NFASC: variants seen among roughly 807,000 people sequenced by gnomAD.
NFASC encodes the protein neurofascin.
In NFASC, 43 loss-of-function variants were observed where a neutral mutation model predicts 147.5. That is an observed-to-expected ratio of 0.29 (90% CI 0.23 to 0.38). The LOEUF (loss-of-function observed/expected upper bound fraction) is 0.38. NFASC is among the 10% of genes least tolerant of loss of function. The pLI is 1.00. For synonymous variants in NFASC, 622 were observed against 665.5 expected, an observed-to-expected ratio of 0.93 and a Z score of 1.01; for missense variants, 1,320 against 1,689.0, an observed-to-expected ratio of 0.78 and a Z score of 3.83.
chr1:204,957,360 G>A (rs2094477422), intron 7 of NFASC, among the ~76,000 whole-genome samples: 1 of 152,172 alleles, frequency 6.6e-6, no homozygotes, highest in East Asian at 1.9e-4. Context: ...CTTTTGTGGC[G>A]TGAACAGGAA....
In NFASC at chr1:204,975,213, G is replaced by T. The variant is rs1019183255; in HGVS notation, c.1559-58G>T. On this transcript the variant is annotated intron_variant, in intron 14 of 29. Coordinates refer to ENST00000339876, the MANE Select transcript of NFASC (RefSeq NM_001005388.3). This position sits in a 1 kb window ranked among gnomAD's most constrained non-coding sequence, Gnocchi z 4.0. ...GGCAGACATATGCCACTTTGTGGCC[G>T]CATGGGGATGCTGGGCAGAGAACAG... The T allele has an allele frequency of 3.9e-6, 6 of 1,547,524 alleles. No individual in the cohort carries two copies. The Admixed American group carries it at 5.8e-5, about 15-fold the overall frequency.
rs780200931 is a variant in NFASC at position 204,954,304 on chromosome 1, A to G, written c.332A>G (p.Glu111Gly). The G allele has an allele frequency of 3.7e-6, 6 of 1,613,900 alleles. No homozygotes were observed. Among genetic ancestry groups the G allele is most frequent in the Non-Finnish European group, 4.2e-6 (5 of 1,180,018 alleles). The part of the protein sequence containing the change: ...IDFRSGGRPE[E>G]YEGEYQCFAR... ...TTCCGCAGTGGCGGGCGGCCGGAGG[A>G]ATATGAGGGGGAATATCAGTGCTTC... The change falls in exon 6 of 30, where the codon GAA becomes GGA. Residue 111 changes from glutamate (E) to glycine (G), a missense_variant. Glu to Gly is a moderately conservative substitution (Grantham distance 98). This residue lies in a region of NFASC where 981 missense variants were observed against 1,289.5 expected (regional missense o/e 0.76). Coordinates refer to ENST00000339876, the MANE Select transcript of NFASC (RefSeq NM_001005388.3). The surrounding 1 kb of genome is among the most constrained non-coding windows in gnomAD (Gnocchi z 5.7).
intron 1 of NFASC, among the ~76,000 whole-genome samples, chr1:204,891,611 A>C (rs749527003): frequency 3.3e-4 from 51 of 152,318 alleles, no homozygotes; most frequent in Non-Finnish European, 6.5e-4. Flanking sequence ...GGAGCCCTGT[A>C]AACATGTGCC....
intron 27 of NFASC, among the ~76,000 whole-genome samples, chr1:205,007,559 G>A (rs978677583): frequency 6.6e-6 from 1 of 152,124 alleles, no homozygotes; most frequent in African/African-American, 2.4e-5. Flanking sequence ...TATATTAAAT[G>A]GTTATAAATG....
In NFASC at chr1:204,895,122, C is replaced by T. The variant is rs1572640445; in HGVS notation, c.-199-25510C>T. Among the ~76,000 whole-genome samples the T allele has an allele frequency of 2.0e-5, 3 of 152,112 alleles. No homozygotes were observed. The South Asian group carries it at 6.2e-4, about 32-fold the overall frequency. On this transcript the variant is annotated intron_variant, in intron 1 of 29. Transcript: ENST00000339876. ...TCCAAATGTTCTGTTTTTTCCAGTT[C>T]CTCTCCTACTACTCTTTTACACAAA...
chr1:204,871,118 C>T (rs1228969085), intron 1 of NFASC: 1 of 1,287,958 alleles, frequency 7.8e-7, no homozygotes, highest in South Asian at 1.2e-5. Context: ...ATCCTCACCC[C>T]ATTCCTCCTG....
Position 204,957,770 on chromosome 1 carries a change from TC to T in NFASC, c.652del (p.His218ThrfsTer114). On this transcript the variant is annotated frameshift_variant, in exon 8 of 30. Transcript: ENST00000339876. LOFTEE classifies it high-confidence loss of function. ...ACCGACTACAGTTGTAACGCCCGCT[TC>T]CACTTCACCCACACCATCCAGCAGA... The part of the protein sequence containing the change: ...MQTDYSCNAR[F>X]HFTHTIQQKN... The T allele has an allele frequency of 6.2e-7, 1 of 1,614,186 alleles. No individual in the cohort carries two copies. The highest frequency in any genetic ancestry group is 8.5e-7 in the Non-Finnish European group (1 of 1,180,030).
At chr1:204,917,172 G>A (rs558212517) in intron 1 of NFASC, among the ~76,000 whole-genome samples, 2 of 152,248 alleles carry the variant, frequency 1.3e-5, no homozygotes, top group East Asian at 1.9e-4. Context: ...AGCTGTGATC[G>A]TGCCACTCTA....
intron 1 of NFASC, among the ~76,000 whole-genome samples, chr1:204,917,497 T>G (rs1182733238): frequency 6.6e-6 from 1 of 152,222 alleles, no homozygotes; most frequent in East Asian, 1.9e-4. Context: ...CCCCTTTCTT[T>G]TGTTAAACAG....
intron 8 of NFASC, among the ~76,000 whole-genome samples, chr1:204,964,318 T>G (rs2094834700): frequency 6.6e-6 from 1 of 152,208 alleles, no homozygotes; most frequent in South Asian, 2.1e-4. Flanking sequence ...CCATTACTGG[T>G]TTTAAAGGGA....
rs1261552508 is a variant in NFASC at position 204,920,687 on chromosome 1, T to G, written c.-144T>G. 7.8e-7 allele frequency: 1 copy of G among 1,289,664 alleles called. No homozygotes were observed. Among genetic ancestry groups the G allele is most frequent in the South Asian group, 1.2e-5 (1 of 81,020 alleles). 79.9% of individuals were successfully genotyped at this position (1,289,664 alleles called of 1,614,324 possible). On this transcript the variant is annotated 5_prime_UTR_variant, in exon 2 of 30. Coordinates refer to ENST00000339876, the MANE Select transcript of NFASC (RefSeq NM_001005388.3). Reference sequence around the variant, plus strand: ...TGGAGTTTACCTTCCCTCCGCAGCCTGGAACAGAGCCTCCTCTGGTGTTGC... The same window carrying G: ...TGGAGTTTACCTTCCCTCCGCAGCCGGGAACAGAGCCTCCTCTGGTGTTGC...
At chr1:204,963,230 G>A (rs1198250528) in intron 8 of NFASC, among the ~76,000 whole-genome samples, 4 of 152,212 alleles carry the variant, frequency 2.6e-5, no homozygotes, top group African/African-American at 7.2e-5. Flanking sequence ...CTGAGATCCT[G>A]CCAAAGAGAT....
At chr1:205,002,408 G>C (rs72755528) in intron 26 of NFASC, among the ~76,000 whole-genome samples, 188 bp from the exon 27 acceptor site, 13,848 of 152,218 alleles carry the variant, frequency 0.091, 716 homozygotes, top group Middle Eastern at 0.21. Context: ...GTTTAAAAGC[G>C]TTAGTATTGC....
At chr1:204,858,397 A>G (rs2076355948) in intron 1 of NFASC, among the ~76,000 whole-genome samples, 1 of 152,180 alleles carries the variant, frequency 6.6e-6, no homozygotes, top group South Asian at 2.1e-4. Context: ...GGGGAAGGGC[A>G]TCTGGGAGAG....
intron 15 of NFASC, among the ~76,000 whole-genome samples, chr1:204,976,346 G>A (rs1574024224): frequency 6.6e-6 from 1 of 152,218 alleles, no homozygotes; most frequent in Non-Finnish European, 1.5e-5. Context: ...GGGGTCATGG[G>A]CCTCATGGTG....
At chr1:204,951,465 A>T (rs1222480011) in intron 4 of NFASC, among the ~76,000 whole-genome samples, 1 of 138,364 alleles carries the variant, frequency 7.2e-6, no homozygotes, top group Non-Finnish European at 1.6e-5. Context: ...TGCCTGGCCT[A>T]TGGGATTTTT....
At chr1:204,869,662 C>T (rs2077426044) in intron 1 of NFASC, among the ~76,000 whole-genome samples, 1 of 152,116 alleles carries the variant, frequency 6.6e-6, no homozygotes, top group Non-Finnish European at 1.5e-5. Flanking sequence ...GAAACTGAGG[C>T]ACAGTTTCCC....
chr1:205,004,558 T>C (rs545056591), intron 27 of NFASC, among the ~76,000 whole-genome samples: 6 of 152,332 alleles, frequency 3.9e-5, no homozygotes, highest in African/African-American at 1.2e-4. Flanking sequence ...GGCTGGAAAT[T>C]ACTGTCTGCA....
chr1:204,856,839 G>A (rs6685987), intron 1 of NFASC, among the ~76,000 whole-genome samples: 28,989 of 151,910 alleles, frequency 0.19, 4,282 homozygotes, highest in East Asian at 0.52. Flanking sequence ...TCCACATTGC[G>A]GCATGCATCA....
Sources: gnomAD v4.1 joint callset for allele counts (sites outside exome capture counted in the v4.1 genomes callset) on GRCh38, gnomAD v4.1.1 for gene constraint, gnomAD v4.1.1 regional missense constraint, Gnocchi (gnomAD v3.1) non-coding constraint, MANE v1.5 for transcripts, NCBI Gene and HGNC (gene_info 2026-07-23, HGNC 2026-07-21) for gene names.